Variants in CCSER1 observed in about 807,000 individuals in gnomAD.
CCSER1 encodes the protein serine-rich coiled-coil domain-containing protein 1.
Under a neutral mutation model 82.0 loss-of-function variants are expected in CCSER1, and 41 were observed. The observed-to-expected ratio is 0.50, with a 90% confidence interval of 0.39 to 0.65. CCSER1 has a LOEUF of 0.65. Ranked by LOEUF, CCSER1 falls within the 30% of genes least tolerant of loss-of-function variation. CCSER1 has a pLI of 0.00. For missense variants in CCSER1, 1,119 were observed against 1,064.2 expected, an observed-to-expected ratio of 1.05 and a Z score of -0.72; for synonymous variants, 414 against 383.9, an observed-to-expected ratio of 1.08 and a Z score of -0.92.
At chr4:91,290,534 T>C (rs1560569505) in intron 10 of CCSER1, among the ~76,000 whole-genome samples, 1 of 152,094 alleles carries the variant, frequency 6.6e-6, no homozygotes, top group Non-Finnish European at 1.5e-5. Context: ...ACAGAAAATA[T>C]GCACCCAGTA....
intron 10 of CCSER1, among the ~76,000 whole-genome samples, chr4:91,245,851 G>A (rs1461344754): frequency 2.4e-4 from 37 of 152,066 alleles, no homozygotes; most frequent in Admixed American, 2.0e-4. Context: ...CATGTGCCAC[G>A]ACGTCCGGTT....
At chr4:91,069,986 ATTTTTT>A (rs70965471) in intron 9 of CCSER1, among the ~76,000 whole-genome samples, 1 of 146,618 alleles carries the variant, frequency 6.8e-6, no homozygotes, top group African/African-American at 2.5e-5. Context: ...ACCTTTTTTA[ATTTTTT>A]TTTTTTTTCC....
intron 1 of CCSER1, among the ~76,000 whole-genome samples, chr4:90,297,819 C>T (rs1732276026): frequency 6.6e-6 from 1 of 152,004 alleles, no homozygotes; most frequent in Non-Finnish European, 1.5e-5. Flanking sequence ...TATATTGAAC[C>T]AGCCTTGCAT....
At chr4:91,202,513 C>A (rs116005368) in intron 10 of CCSER1, among the ~76,000 whole-genome samples, 1,592 of 152,080 alleles carry the variant, frequency 0.01, 8 homozygotes, top group Non-Finnish European at 0.015. Flanking sequence ...CAACTAGTAG[C>A]CTTTGTCACA....
At chr4:91,526,744 G>A (rs985459684) in intron 10 of CCSER1, among the ~76,000 whole-genome samples, 3 of 152,030 alleles carry the variant, frequency 2.0e-5, no homozygotes, top group Admixed American at 6.6e-5. Context: ...ACAGGTGCCC[G>A]CCACCACGCC....
At chr4:90,608,397 T>C (rs1487054838) in intron 5 of CCSER1, among the ~76,000 whole-genome samples, 1 of 152,172 alleles carries the variant, frequency 6.6e-6, no homozygotes, top group Non-Finnish European at 1.5e-5. Context: ...TAAAGGGTCC[T>C]CTGATTGGGG....
chr4:90,281,928 A>G (rs897221399), intron 1 of CCSER1, among the ~76,000 whole-genome samples: 2 of 152,048 alleles, frequency 1.3e-5, no homozygotes, highest in Admixed American at 6.6e-5. Flanking sequence ...TGACTTGCCT[A>G]TTTGGCTGCA....
chr4:90,161,181 T>C (rs183232734), intron 1 of CCSER1, among the ~76,000 whole-genome samples: 1 of 152,320 alleles, frequency 6.6e-6, no homozygotes, highest in East Asian at 1.9e-4. Context: ...GCTCATCCTA[T>C]GTGCTTATTT....
chr4:91,282,473 G>A (rs1742989569), intron 10 of CCSER1, among the ~76,000 whole-genome samples: 1 of 152,076 alleles, frequency 6.6e-6, no homozygotes, highest in South Asian at 2.1e-4. Flanking sequence ...TCTTCTATGT[G>A]GAGGTTGTAA....
intron 8 of CCSER1, among the ~76,000 whole-genome samples, chr4:90,834,909 A>C (rs953714316): frequency 3.9e-5 from 6 of 152,238 alleles, no homozygotes; most frequent in Non-Finnish European, 8.8e-5. Flanking sequence ...AGTTTCCTTA[A>C]AAAACAAAAC....
chr4:90,982,991 C>T (rs926029600), intron 9 of CCSER1, among the ~76,000 whole-genome samples: 1 of 151,756 alleles, frequency 6.6e-6, no homozygotes, highest in East Asian at 1.9e-4. Context: ...CTCAGGTTTC[C>T]ATGACCTCAA....
At chr4:91,435,511 A>T (rs994169362) in intron 10 of CCSER1, among the ~76,000 whole-genome samples, 1 of 152,150 alleles carries the variant, frequency 6.6e-6, no homozygotes, top group Non-Finnish European at 1.5e-5. Flanking sequence ...CTCAAAAATA[A>T]ATTGCTTTCT....
intron 7 of CCSER1, among the ~76,000 whole-genome samples, chr4:90,729,719 C>CA (rs1479504159): frequency 6.6e-6 from 1 of 151,676 alleles, no homozygotes; most frequent in Non-Finnish European, 1.5e-5. Flanking sequence ...ACTAAAAATA[C>CA]AAAAAAATTA....
chr4:91,466,752 C>T (rs1756936174), intron 10 of CCSER1, among the ~76,000 whole-genome samples: 1 of 152,142 alleles, frequency 6.6e-6, no homozygotes, highest in Non-Finnish European at 1.5e-5. Flanking sequence ...CTCCCATTCA[C>T]AATTGCTTCA....
chr4:91,366,040 T>A (rs758009280), intron 10 of CCSER1, among the ~76,000 whole-genome samples: 1 of 152,162 alleles, frequency 6.6e-6, no homozygotes, highest in African/African-American at 2.4e-5. Context: ...AGGGGTGAGA[T>A]GGAGTTTTGC....
intron 10 of CCSER1, among the ~76,000 whole-genome samples, chr4:91,185,788 T>C (rs1248848519): frequency 6.6e-6 from 1 of 152,214 alleles, no homozygotes; most frequent in Non-Finnish European, 1.5e-5. Context: ...CATTCCTTTT[T>C]AGTATGACCA....
chr4:90,653,129 A>G (rs1729084814), intron 6 of CCSER1, among the ~76,000 whole-genome samples: 1 of 152,088 alleles, frequency 6.6e-6, no homozygotes, highest in South Asian at 2.1e-4. Context: ...AAGAGTTCCT[A>G]TTTAAAAAAA....
intron 10 of CCSER1, among the ~76,000 whole-genome samples, chr4:91,597,303 C>G (rs974273898): frequency 2.2e-4 from 34 of 151,942 alleles, no homozygotes; most frequent in Admixed American, 2.2e-3. Flanking sequence ...GAAATACACA[C>G]CCAATAAATA....
intron 1 of CCSER1, among the ~76,000 whole-genome samples, chr4:90,251,056 T>G (rs1722289572): frequency 6.6e-6 from 1 of 151,986 alleles, no homozygotes; most frequent in Admixed American, 6.6e-5. Context: ...CTTATCAAAC[T>G]TGTTTATTAG....
Sources: allele counts gnomAD v4.1 joint callset (sites outside exome capture counted in the v4.1 genomes callset), GRCh38; gene constraint gnomAD v4.1.1; transcripts MANE v1.5; gene names NCBI Gene and HGNC (gene_info 2026-07-23, HGNC 2026-07-21).